Variants in VPS13B observed in about 807,000 individuals in gnomAD.
The protein encoded by VPS13B is intermembrane lipid transfer protein VPS13B.
In VPS13B, 285 loss-of-function variants were observed where a neutral mutation model predicts 426.4. The ratio of observed to expected loss-of-function variants is 0.67; its 90% CI spans 0.61 to 0.74. The LOEUF is 0.74. Ranked by LOEUF, VPS13B falls within the 30% of genes least tolerant of loss-of-function variation. VPS13B has a pLI of 0.00. For missense variants in VPS13B, 4,537 were observed against 4,782.6 expected, an observed-to-expected ratio of 0.95 and a Z score of 1.51; for synonymous variants, 1,676 against 1,676.4, an observed-to-expected ratio of 1.00 and a Z score of 0.01.
intron 39 of VPS13B, among the ~76,000 whole-genome samples, chr8:99,747,448 C>T (rs1352295174): frequency 6.6e-6 from 1 of 152,000 alleles, no homozygotes; most frequent in Non-Finnish European, 1.5e-5. Context: ...CAAGTGAATA[C>T]AGACCAGCTG....
intron 21 of VPS13B, chr8:99,429,608 T>A (rs1256094154): frequency 6.6e-6 from 1 of 152,198 alleles, no homozygotes; most frequent in Non-Finnish European, 1.5e-5. Flanking sequence ...TACCTTGGAA[T>A]CATCTTTGCT....
At chr8:99,082,000 TG>T (rs1487196573) in intron 3 of VPS13B, among the ~76,000 whole-genome samples, 1 of 152,146 alleles carries the variant, frequency 6.6e-6, no homozygotes, top group Non-Finnish European at 1.5e-5. Context: ...CTGGGTCAAA[TG>T]GTATTTCTAG....
chr8:99,086,870 G>A (rs183935406), intron 3 of VPS13B, among the ~76,000 whole-genome samples: 1 of 152,142 alleles, frequency 6.6e-6, no homozygotes, highest in Non-Finnish European at 1.5e-5. Flanking sequence ...TGCCCCTGCT[G>A]GGGGGTGCCT....
Position 99,766,877 on chromosome 8 carries a change from A to G in VPS13B, c.7154A>G (p.Asp2385Gly), listed in dbSNP as rs1186695507. Residue 2385 changes from aspartate (D) to glycine (G), a missense_variant, in exon 40 of 62, where the codon GAT becomes GGT. Around this residue, in one of 2 missense-constraint regions of VPS13B, gnomAD observed 4,311 missense variants for 4,474.3 expected, o/e 0.96. Transcript: ENST00000357162. The part of the protein sequence containing the change: ...ESKVCELQLP[D>G]INLVNDQKKL... ...AAAGTTTGTGAACTGCAGTTGCCGG[A>G]TATCAATCTCGTGAATGACCAGAAG... 6.2e-7 allele frequency: 1 copy of G among 1,614,086 alleles called. No homozygotes were observed. The highest frequency in any genetic ancestry group is 8.5e-7 in the Non-Finnish European group (1 of 1,179,980).
At position 99,848,918 on chromosome 8, in the gene VPS13B, G is replaced by A. The variant is rs34513504; in HGVS notation, c.10061+24G>A. ...AGGTAGGTTTAATTATTTTCCCAGT[G>A]ACAACATAGTAAGTGTTACTGTTAC... is the stretch of plus-strand genomic sequence containing the variant. On this transcript the variant is annotated intron_variant, in intron 55 of 61. Transcript: ENST00000357162. 0.18 allele frequency: 280,261 copies of A among 1,591,598 alleles called. 27,626 individuals carry two copies. Among genetic ancestry groups the A allele is most frequent in the African/African-American group, 0.42 (31,037 of 74,542 alleles).
At chr8:99,148,915 G>T (rs57094368) in intron 14 of VPS13B, among the ~76,000 whole-genome samples, 3,067 of 152,346 alleles carry the variant, frequency 0.02, 114 homozygotes, top group African/African-American at 0.07. Flanking sequence ...TAACTCAGCT[G>T]AATGAGGAAT....
chr8:99,286,809 A>T (rs75569395), intron 19 of VPS13B, among the ~76,000 whole-genome samples: 5 of 152,260 alleles, frequency 3.3e-5, no homozygotes, highest in Admixed American at 6.6e-5. Context: ...CAGATCAGAA[A>T]TAATTTTGTG....
intron 55 of VPS13B, 97 bp from the exon 56 acceptor site, chr8:99,853,354 C>A: frequency 8.1e-7 from 1 of 1,241,064 alleles, no homozygotes; most frequent in Non-Finnish European, 1.2e-6. Flanking sequence ...GATGTCCCAT[C>A]AGGAGGTATT....
intron 19 of VPS13B, among the ~76,000 whole-genome samples, chr8:99,298,674 C>A (rs1437746019): frequency 6.6e-6 from 1 of 152,072 alleles, no homozygotes; most frequent in Non-Finnish European, 1.5e-5. Flanking sequence ...TAAATCATTT[C>A]TTTAGTTTCA....
intron 2 of VPS13B, among the ~76,000 whole-genome samples, chr8:99,031,597 G>A (rs1204378827): frequency 1.3e-5 from 2 of 152,160 alleles, no homozygotes; most frequent in Non-Finnish European, 2.9e-5. Context: ...GTTGAGTAGG[G>A]TGTTTAGGCT....
At chr8:99,150,368 T>C (rs771476924) in intron 14 of VPS13B, among the ~76,000 whole-genome samples, 6 of 152,220 alleles carry the variant, frequency 3.9e-5, no homozygotes, top group Non-Finnish European at 7.3e-5. Flanking sequence ...TTTGTTACAA[T>C]TGATGAACCT....
chr8:99,219,464 A>C (rs1263143437), intron 17 of VPS13B, among the ~76,000 whole-genome samples: 1 of 152,208 alleles, frequency 6.6e-6, no homozygotes, highest in East Asian at 1.9e-4. Context: ...GTGTCTTGCT[A>C]TGTTTTGTGC....
chr8:99,575,569 T>C (rs1825737936), intron 31 of VPS13B, 89 bp from the exon 32 acceptor site: 2 of 1,525,252 alleles, frequency 1.3e-6, no homozygotes, highest in Non-Finnish European at 1.8e-6. Flanking sequence ...TTGCCATACA[T>C]GTTTGTAGTA....
At chr8:99,776,686 T>C in intron 40 of VPS13B, 89 bp from the exon 41 acceptor site, 1 of 1,244,330 alleles carries the variant, frequency 8.0e-7, no homozygotes, top group Non-Finnish European at 1.2e-6. Flanking sequence ...TCAGTACTAG[T>C]TTTAGAAACC....
chr8:99,305,278 A>G (rs1476697335), intron 19 of VPS13B, among the ~76,000 whole-genome samples: 1 of 152,142 alleles, frequency 6.6e-6, no homozygotes, highest in East Asian at 1.9e-4. Context: ...AAAAATGTTC[A>G]GGAAAAAACA....
At chr8:99,534,895 G>A (rs1823118968) in intron 30 of VPS13B, among the ~76,000 whole-genome samples, 1 of 152,084 alleles carries the variant, frequency 6.6e-6, no homozygotes, top group Non-Finnish European at 1.5e-5. Flanking sequence ...CATCATAAAA[G>A]GCTTGAACAG....
At chr8:99,452,198 T>C (rs891110488) in intron 23 of VPS13B, among the ~76,000 whole-genome samples, 5 of 152,154 alleles carry the variant, frequency 3.3e-5, no homozygotes, top group Non-Finnish European at 7.3e-5. Flanking sequence ...CACAGCGCTG[T>C]CCTATCACAG....
chr8:99,637,946 G>C (rs1034870415), intron 33 of VPS13B, among the ~76,000 whole-genome samples: 1 of 152,044 alleles, frequency 6.6e-6, no homozygotes, highest in Non-Finnish European at 1.5e-5. Context: ...ACTGTATTTA[G>C]ATATTTAGTT....
intron 19 of VPS13B, among the ~76,000 whole-genome samples, chr8:99,276,375 G>A (rs1450211186): frequency 6.6e-6 from 1 of 152,068 alleles, no homozygotes; most frequent in Non-Finnish European, 1.5e-5. Context: ...GAACCATAAA[G>A]AATGAATGAT....
Sources: allele counts gnomAD v4.1 joint callset (sites outside exome capture counted in the v4.1 genomes callset), GRCh38; gene constraint gnomAD v4.1.1; regional missense constraint gnomAD v4.1.1; transcripts MANE v1.5; gene names NCBI Gene and HGNC (gene_info 2026-07-23, HGNC 2026-07-21).